FRA10AC1: variants seen among roughly 807,000 people sequenced by gnomAD.
FRA10AC1 encodes the protein FRA10A associated CGG repeat 1, also known as protein FRA10AC1.
A neutral mutation model predicts 56.5 loss-of-function variants in FRA10AC1; 43 were observed. The ratio of observed to expected loss-of-function variants is 0.76; its 90% CI spans 0.60 to 0.98. The LOEUF is 0.98. Ranked by LOEUF, FRA10AC1 falls within the 50% of genes least tolerant of loss-of-function variation. The pLI is 0.00. For missense variants in FRA10AC1, 346 were observed against 351.8 expected (o/e 0.98, Z 0.13); for synonymous variants, 112 against 110.5 (o/e 1.01, Z -0.09).
At chr10:93,691,707 G>C (rs148712470) in intron 7 of FRA10AC1, among the ~76,000 whole-genome samples, 6 of 152,250 alleles carry the variant, frequency 3.9e-5, no homozygotes, top group Admixed American at 1.3e-4. Flanking sequence ...ACAATCACTA[G>C]AGGCTCTAGA....
intron 9 of FRA10AC1, 60 bp from the exon 10 acceptor site, chr10:93,684,158 T>G: frequency 8.2e-7 from 1 of 1,219,972 alleles, no homozygotes; most frequent in Non-Finnish European, 1.2e-6. Context: ...CTAATCTACT[T>G]TTAATATCAT....
intron 12 of FRA10AC1, chr10:93,675,613 G>A (rs764385566): frequency 3.3e-6 from 1 of 307,176 alleles, no homozygotes; most frequent in Non-Finnish European, 7.1e-6. Context: ...GCTGAGGCAG[G>A]AGAATCACTT....
At position 93,699,019 on chromosome 10, in the gene FRA10AC1, C is replaced by G. The variant is rs73312813; in HGVS notation, c.78-623G>C. Reference sequence around the variant, plus strand: ...CAACAGATTCACAATTGTGTGTGCTCCACTGTAGTACGTGGCCCAAGACAA... The same window carrying G: ...CAACAGATTCACAATTGTGTGTGCTGCACTGTAGTACGTGGCCCAAGACAA... On this transcript the variant is annotated intron_variant, in intron 2 of 13. Transcript: ENST00000359204. 8.8e-3 allele frequency among the ~76,000 whole-genome samples: 1,342 copies of G among 152,280 alleles called. 23 individuals carry two copies. The highest frequency in any genetic ancestry group is 0.03 in the African/African-American group (1,252 of 41,558).
At chr10:93,696,975 G>A (rs924270815) in intron 4 of FRA10AC1, among the ~76,000 whole-genome samples, 1 of 152,094 alleles carries the variant, frequency 6.6e-6, no homozygotes. Context: ...TGAGGGTGAT[G>A]GGTTGATAGG....
At chr10:93,684,376 T>C (rs185045155) in intron 9 of FRA10AC1, among the ~76,000 whole-genome samples, 1 of 152,184 alleles carries the variant, frequency 6.6e-6, no homozygotes. Flanking sequence ...CACAGGCACA[T>C]TAACATGTGT....
At chr10:93,695,528 A>G (rs2059217378) in intron 4 of FRA10AC1, among the ~76,000 whole-genome samples, 1 of 152,114 alleles carries the variant, frequency 6.6e-6, no homozygotes, top group Admixed American at 6.5e-5. Context: ...AACAAAATAT[A>G]TGAGCATTTT....
chr10:93,692,326 C>G (rs1208958902), intron 6 of FRA10AC1, among the ~76,000 whole-genome samples: 1 of 152,112 alleles, frequency 6.6e-6, no homozygotes, highest in Non-Finnish European at 1.5e-5. Flanking sequence ...ACTGTTTACC[C>G]TTTGTAATGT....
At chr10:93,677,376 G>GT (rs918695633) in intron 11 of FRA10AC1, among the ~76,000 whole-genome samples, 27 of 152,138 alleles carry the variant, frequency 1.8e-4, no homozygotes, top group African/African-American at 6.0e-4. Context: ...AGGAGGCCTC[G>GT]TAACCCAAAG....
chr10:93,688,116 G>A (rs2059063185), intron 7 of FRA10AC1, among the ~76,000 whole-genome samples: 17 of 152,108 alleles, frequency 1.1e-4, no homozygotes, highest in Admixed American at 1.1e-3. Flanking sequence ...AAGCAACCAA[G>A]ATGTTCTTCA....
rs753734776 is a variant in FRA10AC1 at position 93,684,009 on chromosome 10, T to C, written c.668+47A>G. On this transcript the variant is annotated intron_variant, in intron 10 of 13. Coordinates refer to ENST00000359204, the MANE Select transcript of FRA10AC1 (RefSeq NM_145246.5). ...GATACTTAGTGCAGGTAAATGACTA[T>C]ATCCTGGATTACTAAACATTAAGAA... 11 of 1,247,886 alleles carry C rather than the reference T, an allele frequency of 8.8e-6. No homozygotes were observed. In the Admixed American group the frequency reaches 1.9e-4, roughly 22 times the overall value. The allele number at this position is 1,247,886 out of a possible 1,614,324, so 77.3% of individuals were successfully genotyped here. A position where few individuals can be genotyped will look rare whatever the true frequency, so the allele number is the denominator to read the frequency against.
Position 93,669,070 on chromosome 10 carries a change from C to T in FRA10AC1, c.*756G>A, listed in dbSNP as rs1051132298. 10 of 152,000 alleles carry T rather than the reference C, an allele frequency of 6.6e-5. No homozygotes were observed. The highest frequency in any genetic ancestry group is 2.0e-4 in the Admixed American group (3 of 15,258). 9.4% of individuals were successfully genotyped at this position (152,000 alleles called of 1,614,324 possible). A position where few individuals can be genotyped will look rare whatever the true frequency, so the allele number is the denominator to read the frequency against. ...AATTTACTTAATAGTAAATTATCCA[C>T]AGGCTAGGAAGTCAAATTTGATTAT... On this transcript the variant is annotated 3_prime_UTR_variant, in exon 14 of 14. Transcript: ENST00000359204.
intron 13 of FRA10AC1, 124 bp downstream of exon 13, chr10:93,670,646 G>T: frequency 1.7e-6 from 1 of 585,698 alleles, no homozygotes; most frequent in Non-Finnish European, 3.0e-6. Context: ...ATCTTACCAG[G>T]CTAGGCAGTC....
chr10:93,692,739 A>C lies in FRA10AC1; in HGVS notation c.297-10T>G. The C allele has an allele frequency of 6.4e-7, 1 of 1,562,012 alleles. No individual in the cohort carries two copies. On this transcript the variant is annotated splice_polypyrimidine_tract_variant and intron_variant, in intron 5 of 13. Transcript: ENST00000359204. ...TGTCTTGTCATTTTCCCTGGAAAAC[A>C]GAACTTTTTCAATTTAATACAAAAA...
intron 2 of FRA10AC1, among the ~76,000 whole-genome samples, chr10:93,698,688 TA>T (rs1190234442): frequency 1.3e-5 from 2 of 152,228 alleles, no homozygotes; most frequent in East Asian, 3.8e-4. Context: ...ACCTTAATCT[TA>T]ATAAGATTCA....
At chr10:93,684,144 A>G in intron 9 of FRA10AC1, 46 bp from the exon 10 acceptor site, 2 of 1,338,232 alleles carry the variant, frequency 1.5e-6, no homozygotes, top group African/African-American at 1.4e-5. Flanking sequence ...GAATAACCAC[A>G]CTGCTAATCT....
upstream of FRA10AC1, among the ~76,000 whole-genome samples, chr10:93,702,733 G>A (rs190183933): frequency 6.6e-6 from 1 of 152,152 alleles, no homozygotes; most frequent in Admixed American, 6.5e-5. Context: ...TCCAGCTTTC[G>A]CCAAGTCGCG....
At chr10:93,693,844 T>C (rs1226776801) in intron 5 of FRA10AC1, among the ~76,000 whole-genome samples, 2 of 151,722 alleles carry the variant, frequency 1.3e-5, no homozygotes, top group African/African-American at 2.4e-5. Flanking sequence ...AAATATCATA[T>C]GTTCTCATTT....
intron 12 of FRA10AC1, 106 bp from the exon 13 acceptor site, chr10:93,670,954 T>C: frequency 4.5e-6 from 3 of 671,428 alleles, no homozygotes; most frequent in Non-Finnish European, 7.8e-6. Context: ...CTTCAACTTT[T>C]ATGACTCTCT....
intron 5 of FRA10AC1, among the ~76,000 whole-genome samples, chr10:93,693,446 C>T (rs1237655740): frequency 7.0e-6 from 1 of 143,010 alleles, no homozygotes; most frequent in Non-Finnish European, 1.5e-5. Context: ...AAGTGCCCAT[C>T]AACCAATGAG....
Sources: allele counts gnomAD v4.1 joint callset (sites outside exome capture counted in the v4.1 genomes callset), GRCh38; gene constraint gnomAD v4.1.1; transcripts MANE v1.5; gene names NCBI Gene and HGNC (gene_info 2026-07-23, HGNC 2026-07-21).